The following ZNF385D variants were observed in gnomAD, a reference collection of about 807,000 sequenced individuals.
ZNF385D encodes the protein zinc finger protein 659.
A neutral mutation model predicts 35.8 loss-of-function variants in ZNF385D; 15 were observed. The observed-to-expected ratio is 0.42, with a 90% confidence interval of 0.28 to 0.64. The LOEUF (loss-of-function observed/expected upper bound fraction) is 0.64, where lower values mean the gene tolerates loss of function less well. Ranked by LOEUF, ZNF385D falls within the 30% of genes least tolerant of loss-of-function variation. The pLI is 0.23. For missense variants in ZNF385D, 474 were observed against 494.6 expected (o/e 0.96, Z 0.39); for synonymous variants, 212 against 186.8 (o/e 1.13, Z -1.10).
chr3:21,997,749 T>C (rs907532326), intron 3 of ZNF385D, among the ~76,000 whole-genome samples: 5 of 152,098 alleles, frequency 3.3e-5, no homozygotes, highest in Non-Finnish European at 7.4e-5. Context: ...TTCAAGGAAA[T>C]GGCAGATAAT....
chr3:22,249,941 A>T (rs1032961437), intron 2 of ZNF385D, among the ~76,000 whole-genome samples: 3 of 152,178 alleles, frequency 2.0e-5, no homozygotes, highest in African/African-American at 7.2e-5. Flanking sequence ...CTAACTGGGC[A>T]CCACATATTT....
chr3:22,120,045 G>A (rs1190826038), intron 3 of ZNF385D, among the ~76,000 whole-genome samples: 1 of 146,682 alleles, frequency 6.8e-6, no homozygotes, highest in Non-Finnish European at 1.5e-5. Flanking sequence ...GACCAGATTA[G>A]TCTTGAAGTC....
intron 3 of ZNF385D, among the ~76,000 whole-genome samples, chr3:22,038,983 C>T (rs1022479276): frequency 2.0e-5 from 3 of 150,774 alleles, no homozygotes; most frequent in African/African-American, 7.3e-5. Context: ...ATTATAATCA[C>T]ATAATTTTAT....
intron 3 of ZNF385D, among the ~76,000 whole-genome samples, chr3:21,798,768 G>C (rs1559632584): frequency 6.6e-6 from 1 of 152,008 alleles, no homozygotes; most frequent in South Asian, 2.1e-4. Context: ...GAGAATCTTG[G>C]GGGCTACTTT....
At chr3:22,031,954 C>T (rs544102564) in intron 3 of ZNF385D, among the ~76,000 whole-genome samples, 30 of 152,288 alleles carry the variant, frequency 2.0e-4, no homozygotes, top group Middle Eastern at 3.4e-3. Context: ...ACCAGATACC[C>T]TAAGTCATTT....
chr3:22,325,928 A>G (rs1048279735), intron 2 of ZNF385D, among the ~76,000 whole-genome samples: 1 of 152,052 alleles, frequency 6.6e-6, no homozygotes, highest in Non-Finnish European at 1.5e-5. Flanking sequence ...GAAATTTTCT[A>G]ATGATCATCA....
intron 3 of ZNF385D, among the ~76,000 whole-genome samples, chr3:21,985,593 A>T (rs947196442): frequency 4.3e-5 from 6 of 139,140 alleles, no homozygotes; most frequent in Non-Finnish European, 9.2e-5. Flanking sequence ...GGATTTTTGC[A>T]TCAATGTTCA....
intron 3 of ZNF385D, among the ~76,000 whole-genome samples, chr3:21,956,809 C>T (rs964144829): frequency 6.6e-6 from 1 of 151,594 alleles, no homozygotes; most frequent in Admixed American, 6.6e-5. Flanking sequence ...CAAAAGCATT[C>T]CTCAAGCAGA....
At chr3:21,981,031 C>A (rs1428021937) in intron 3 of ZNF385D, among the ~76,000 whole-genome samples, 1 of 152,004 alleles carries the variant, frequency 6.6e-6, no homozygotes, top group Non-Finnish European at 1.5e-5. Flanking sequence ...TGAACATTCA[C>A]GTGCATGTGT....
chr3:21,723,566 C>G (rs1340076296), intron 1 of ZNF385D, among the ~76,000 whole-genome samples: 1 of 151,774 alleles, frequency 6.6e-6, no homozygotes, highest in Non-Finnish European at 1.5e-5. Flanking sequence ...GATTGAAGAT[C>G]GATTTAATGA....
intron 3 of ZNF385D, among the ~76,000 whole-genome samples, chr3:22,078,011 A>G (rs1173213537): frequency 2.0e-5 from 3 of 151,986 alleles, no homozygotes; most frequent in Non-Finnish European, 4.4e-5. Flanking sequence ...AATAAAGATC[A>G]TGTATTTTTA....
intron 3 of ZNF385D, among the ~76,000 whole-genome samples, chr3:21,808,382 G>A (rs957324646): frequency 1.3e-5 from 2 of 152,132 alleles, no homozygotes; most frequent in African/African-American, 4.8e-5. Context: ...TATGACTCCA[G>A]ATTCTTTGCT....
At chr3:21,609,930 T>G (rs924116159) in intron 2 of ZNF385D, among the ~76,000 whole-genome samples, 1 of 152,202 alleles carries the variant, frequency 6.6e-6, no homozygotes, top group African/African-American at 2.4e-5. Flanking sequence ...CTATATGTCC[T>G]TAGCTTTACT....
chr3:21,561,305 G>A (rs536029954), intron 3 of ZNF385D, among the ~76,000 whole-genome samples: 17 of 152,264 alleles, frequency 1.1e-4, no homozygotes, highest in African/African-American at 3.9e-4. Flanking sequence ...CCTGGTCTGC[G>A]GGTTGCAAAG....
intron 3 of ZNF385D, among the ~76,000 whole-genome samples, chr3:22,001,651 A>G (rs1170063132): frequency 6.6e-6 from 1 of 152,136 alleles, no homozygotes; most frequent in Non-Finnish European, 1.5e-5. Context: ...AGAACATTTC[A>G]TCCAGCAGCT....
intron 3 of ZNF385D, among the ~76,000 whole-genome samples, chr3:22,036,231 G>A (rs189499484): frequency 6.6e-6 from 1 of 152,248 alleles, no homozygotes; most frequent in East Asian, 1.9e-4. Context: ...TCTTCTCAGA[G>A]GTAAACAACA....
At chr3:22,236,190 A>G (rs1205976688) in intron 2 of ZNF385D, among the ~76,000 whole-genome samples, 1 of 152,180 alleles carries the variant, frequency 6.6e-6, no homozygotes, top group East Asian at 1.9e-4. Flanking sequence ...AAATTTTATG[A>G]TATATATGTA....
intron 3 of ZNF385D, among the ~76,000 whole-genome samples, chr3:21,518,069 A>C (rs973796776): frequency 1.2e-4 from 19 of 152,162 alleles, no homozygotes; most frequent in Non-Finnish European, 1.5e-5. Flanking sequence ...AAAACTATTC[A>C]TCTTAAGTAT....
chr3:22,313,020 C>A (rs1344510336), intron 2 of ZNF385D, among the ~76,000 whole-genome samples: 1 of 151,690 alleles, frequency 6.6e-6, no homozygotes, highest in Non-Finnish European at 1.5e-5. Flanking sequence ...CAACGATAGA[C>A]TGGATTAAGA....
Sources: gnomAD v4.1 joint callset for allele counts (sites outside exome capture counted in the v4.1 genomes callset) on GRCh38, gnomAD v4.1.1 for gene constraint, MANE v1.5 for transcripts, NCBI Gene and HGNC (gene_info 2026-07-23, HGNC 2026-07-21) for gene names.